Variants in LTBR observed in about 807,000 individuals in gnomAD.
LTBR encodes the protein tumor necrosis factor receptor superfamily member 3.
A neutral mutation model predicts 45.4 loss-of-function variants in LTBR; 15 were observed. The ratio of observed to expected loss-of-function variants is 0.33; its 90% CI spans 0.22 to 0.51. LTBR has a LOEUF of 0.51. LTBR is among the 20% of genes least tolerant of loss of function. LTBR has a pLI of 0.97. For synonymous variants in LTBR, 228 were observed against 231.0 expected (o/e 0.99, Z 0.12); for missense variants, 450 against 565.5 (o/e 0.80, Z 2.07).
intron 9 of LTBR, 54 bp downstream of exon 9, chr12:6,390,394 C>A: frequency 6.9e-7 from 1 of 1,441,294 alleles, no homozygotes; most frequent in Non-Finnish European, 9.5e-7. Context: ...GGATGGCTGG[C>A]AGGGAGAGAC....
chr12:6,384,330 G>A lies in LTBR; in HGVS notation c.-29G>A. On this transcript the variant is annotated 5_prime_UTR_variant, in exon 1 of 10. Coordinates refer to ENST00000228918, the MANE Select transcript of LTBR (RefSeq NM_002342.3). ...TCCTGCCTTCCTCCCAGGCCCCCACGTTGCTGGCCGCCTGGCCGAGTGGCC... is the reference window on the plus strand; with the variant it reads ...TCCTGCCTTCCTCCCAGGCCCCCACATTGCTGGCCGCCTGGCCGAGTGGCC... The A allele has an allele frequency of 6.8e-7, 1 of 1,462,828 alleles. No homozygotes were observed. The highest frequency in any genetic ancestry group is 9.0e-7 in the Non-Finnish European group (1 of 1,112,954). The allele number at this position is 1,462,828 out of a possible 1,614,324, so 90.6% of individuals were successfully genotyped here.
At position 6,386,276 on chromosome 12, in the gene LTBR, G is replaced by A. The variant is rs1049620836; in HGVS notation, c.570-71G>A. ...TCGACTCACCACTTTCAGCCTCCCC[G>A]CCTGCCCAGTGGAGTCGGGACACTG... On this transcript the variant is annotated intron_variant, in intron 5 of 9. Transcript: ENST00000228918. The surrounding 1 kb of genome is among the most constrained non-coding windows in gnomAD (Gnocchi z 4.1). The A allele has an allele frequency of 6.5e-5, 98 of 1,505,180 alleles. No individual in the cohort carries two copies. The highest frequency in any genetic ancestry group is 3.7e-4 in the Middle Eastern group (2 of 5,456). 93.2% of individuals were successfully genotyped at this position (1,505,180 alleles called of 1,614,324 possible). A position where few individuals can be genotyped will look rare whatever the true frequency, so the allele number is the denominator to read the frequency against.
rs1949071287 is a variant in LTBR, at chr12:6,388,290, C to G, written c.668-108C>G. The G allele has an allele frequency of 1.0e-5, 8 of 773,700 alleles. No homozygotes were observed. Among genetic ancestry groups the G allele is most frequent in the Non-Finnish European group, 1.6e-5 (7 of 451,114 alleles). The allele number at this position is 773,700 out of a possible 1,614,324, so 47.9% of individuals were successfully genotyped here. On this transcript the variant is annotated intron_variant, in intron 6 of 9. Transcript: ENST00000228918. This position sits in a 1 kb window ranked among gnomAD's most constrained non-coding sequence, Gnocchi z 4.3. ...TGTGTCTAGAAGGAAAAAAGCTGCT[C>G]CCTTTTCTCTGTCTGGGTTGCCCAG...
chr12:6,385,515 C>T, intron 4 of LTBR, 136 bp downstream of exon 4: 1 of 1,021,752 alleles, frequency 9.8e-7, no homozygotes, highest in South Asian at 1.6e-5. Flanking sequence ...TCATTCCATG[C>T]AGAGGCTCAC....
intron 6 of LTBR, chr12:6,387,771 C>T (rs902533281): frequency 1.5e-5 from 6 of 411,492 alleles, no homozygotes; most frequent in Non-Finnish European, 2.5e-5. Flanking sequence ...AGCCGAACTC[C>T]AGCCTCTCTT....
upstream of LTBR, among the ~76,000 whole-genome samples, chr12:6,379,430 A>G (rs1049899170): frequency 6.6e-6 from 1 of 152,202 alleles, no homozygotes; most frequent in Non-Finnish European, 1.5e-5. Context: ...CCTTTCCAGG[A>G]TAAGAATCAG....
rs140869621 is a variant in LTBR, at chr12:6,390,223, T to C, written c.913T>C (p.Ser305Pro). The C allele has an allele frequency of 5.6e-5, 90 of 1,613,922 alleles. No individual in the cohort carries two copies. In the African/African-American group the frequency reaches 9.5e-4, roughly 17 times the overall value. Residue 305 changes from serine (S) to proline (P), a missense_variant, in exon 9 of 10, where the codon TCC (serine) becomes CCC (proline). Transcript: ENST00000228918. ...CATTTCTGGAGATGTTTCCCCAGTA[T>C]CCACTGGGCTCCCCGCAGCCCCAGT... ...LPISGDVSPV[S>P]TGLPAAPVLE...
chr12:6,386,205 C>T lies in LTBR; in HGVS notation c.569+43C>T, dbSNP rs372934949. 3 of 1,554,438 alleles carry T rather than the reference C, an allele frequency of 1.9e-6. No individual in the cohort carries two copies. The highest frequency in any genetic ancestry group is 2.7e-6 in the Non-Finnish European group (3 of 1,126,896). ...CAAGCTCCTTCCACCCTCTGAGAAG[C>T]CTCAGCTGCTAACAACCCCCAGCGC... On this transcript the variant is annotated intron_variant, in intron 5 of 9. Coordinates refer to ENST00000228918, the MANE Select transcript of LTBR (RefSeq NM_002342.3). The surrounding 1 kb of genome is among the most constrained non-coding windows in gnomAD (Gnocchi z 4.1).
chr12:6,379,967 A>G (rs1224599971), upstream of LTBR, among the ~76,000 whole-genome samples: 3 of 151,980 alleles, frequency 2.0e-5, no homozygotes, highest in Non-Finnish European at 4.4e-5. Flanking sequence ...AAACAAAAAA[A>G]GAAGTTCACT....
At chr12:6,375,293 TCC>T, upstream of LTBR, 14 of 1,435,384 alleles carry the variant, frequency 9.8e-6, no homozygotes, top group Non-Finnish European at 1.3e-5. Flanking sequence ...TCTCTTCCTC[TCC>T]CCCCCTTGCC....
At chr12:6,379,015 C>T (rs1948949116) in intron 1 of LTBR, among the ~76,000 whole-genome samples, 1 of 152,154 alleles carries the variant, frequency 6.6e-6, no homozygotes, top group South Asian at 2.1e-4. Context: ...TCTTGTTCTC[C>T]GCGGACAGGA....
intron 1 of LTBR, 37 bp from the exon 2 acceptor site, chr12:6,384,551 C>T: frequency 6.2e-7 from 1 of 1,610,864 alleles, no homozygotes; most frequent in Non-Finnish European, 8.5e-7. Context: ...TGACCCCTGA[C>T]TAATTCTTCT....
chr12:6,382,389 T>A (rs545723543), upstream of LTBR, among the ~76,000 whole-genome samples: 3 of 152,300 alleles, frequency 2.0e-5, no homozygotes, highest in East Asian at 5.8e-4. Flanking sequence ...TTTTCTCTTT[T>A]GGTATATTAT....
intron 8 of LTBR, chr12:6,389,095 G>A: frequency 2.6e-6 from 1 of 390,478 alleles, no homozygotes. Context: ...GCTAAACAAA[G>A]CAGGGAAGGG....
At chr12:6,383,771 A>T (rs892251637), upstream of LTBR, among the ~76,000 whole-genome samples, 1 of 152,178 alleles carries the variant, frequency 6.6e-6, no homozygotes, top group Non-Finnish European at 1.5e-5. Context: ...TCGGTCTCAG[A>T]GCTGCTTCTG....
Position 6,386,604 on chromosome 12 carries a change from T to TACACAC in LTBR, c.667+187_667+192dup, listed in dbSNP as rs3075360. The TACACAC allele has an allele frequency of 4.7e-3, 2,542 of 546,552 alleles. 40 individuals are homozygous for TACACAC. Among genetic ancestry groups the TACACAC allele is most frequent in the African/African-American group, 0.043 (2,206 of 50,900 alleles). 33.9% of individuals were successfully genotyped at this position (546,552 alleles called of 1,614,324 possible). On this transcript the variant is annotated intron_variant, in intron 6 of 9. Coordinates refer to ENST00000228918, the MANE Select transcript of LTBR (RefSeq NM_002342.3). The surrounding 1 kb of genome is among the most constrained non-coding windows in gnomAD (Gnocchi z 4.1). ...AAATTGGAGTATCTCTAGGCTAGTT[T>TACACAC]ACACACACACACACACACACACACA...
rs776777224 is a variant in LTBR, at chr12:6,385,393, G to A, written c.472+14G>A. Reference sequence around the variant, plus strand: ...CCGAGCTCAAAGGTCAGAGGTCCCTGAGGGGCTGGATGTGAAAAGGAGGCT... The same window carrying A: ...CCGAGCTCAAAGGTCAGAGGTCCCTAAGGGGCTGGATGTGAAAAGGAGGCT... On this transcript the variant is annotated intron_variant, in intron 4 of 9. Coordinates refer to ENST00000228918, the MANE Select transcript of LTBR (RefSeq NM_002342.3). 1.9e-6 allele frequency: 3 copies of A among 1,613,498 alleles called. No homozygotes were observed. The highest frequency in any genetic ancestry group is 2.2e-5 in the East Asian group (1 of 44,860).
At position 6,384,322 on chromosome 12, in the gene LTBR, GC is replaced by G; in HGVS notation, c.-32del. 1.4e-6 allele frequency: 2 copies of G among 1,454,714 alleles called. No individual in the cohort carries two copies. The highest frequency in any genetic ancestry group is 1.4e-5 in the South Asian group (1 of 71,088). The allele number at this position is 1,454,714 out of a possible 1,614,324, so 90.1% of individuals were successfully genotyped here. On this transcript the variant is annotated 5_prime_UTR_variant, in exon 1 of 10. Transcript: ENST00000228918. Reference sequence around the variant, plus strand: ...GTCGGGCCTCCTGCCTTCCTCCCAGGCCCCCACGTTGCTGGCCGCCTGGCCG... The same window carrying G: ...GTCGGGCCTCCTGCCTTCCTCCCAGGCCCCACGTTGCTGGCCGCCTGGCCG...
chr12:6,388,643 G>C lies in LTBR; in HGVS notation c.775+138G>C. The C allele has an allele frequency of 7.1e-6, 8 of 1,125,348 alleles. No individual in the cohort carries two copies. Among genetic ancestry groups the C allele is most frequent in the Non-Finnish European group, 8.0e-6 (6 of 751,024 alleles). 69.7% of individuals were successfully genotyped at this position (1,125,348 alleles called of 1,614,324 possible). ...ACATAGACATCCTTATCTTCATCCA[G>C]CTGCTTATTCTGAGGCTGGAGATGA... On this transcript the variant is annotated intron_variant, in intron 7 of 9. Coordinates refer to ENST00000228918, the MANE Select transcript of LTBR (RefSeq NM_002342.3). The surrounding 1 kb of genome is among the most constrained non-coding windows in gnomAD (Gnocchi z 4.3).
Sources: allele counts gnomAD v4.1 joint callset (sites outside exome capture counted in the v4.1 genomes callset), GRCh38; gene constraint gnomAD v4.1.1; non-coding constraint Gnocchi (gnomAD v3.1); transcripts MANE v1.5; gene names NCBI Gene and HGNC (gene_info 2026-07-23, HGNC 2026-07-21).